The following ARAP2 variants were observed in gnomAD, a reference collection of about 807,000 sequenced individuals.
The protein encoded by ARAP2 is arf-GAP with Rho-GAP domain, ANK repeat and PH domain-containing protein 2.
In ARAP2, 148 loss-of-function variants were observed where a neutral mutation model predicts 194.5. The ratio of observed to expected loss-of-function variants is 0.76; its 90% CI spans 0.67 to 0.87. The LOEUF is 0.87. Among genes scored for constraint, ARAP2 ranks in the 40% least tolerant of loss-of-function variants. ARAP2 has a pLI of 0.00. For missense variants in ARAP2, 2,128 were observed against 1,989.7 expected (o/e 1.07, Z -1.32); for synonymous variants, 695 against 683.5 (o/e 1.02, Z -0.26).
intron 5 of ARAP2, among the ~76,000 whole-genome samples, chr4:36,042,479 T>C (rs1721032156): frequency 6.6e-6 from 1 of 152,210 alleles, no homozygotes; most frequent in South Asian, 2.1e-4. Context: ...CTTAACACAA[T>C]TATGGGACTG....
chr4:36,167,156 A>C, intron 9 of ARAP2, 109 bp from the exon 10 acceptor site: 2 of 687,616 alleles, frequency 2.9e-6, no homozygotes, highest in Non-Finnish European at 2.3e-6. Context: ...TTACAACAAA[A>C]TCAGTCTCAC....
At chr4:36,068,594 T>TGC (rs1726065238) in intron 32 of ARAP2, among the ~76,000 whole-genome samples, 1 of 152,168 alleles carries the variant, frequency 6.6e-6, no homozygotes, top group African/African-American at 2.4e-5. Context: ...CGGTTAGTGA[T>TGC]GCGCGGTAGG....
At chr4:36,229,692 A>C (rs1288688252) in intron 1 of ARAP2, 47 bp from the exon 2 acceptor site, 2 of 418,040 alleles carry the variant, frequency 4.8e-6, no homozygotes, top group East Asian at 7.2e-5. Context: ...TAATTATTAA[A>C]ATCTACTTTT....
At chr4:36,122,336 T>G (rs1210915864) in intron 22 of ARAP2, among the ~76,000 whole-genome samples, 1 of 151,830 alleles carries the variant, frequency 6.6e-6, no homozygotes, top group Non-Finnish European at 1.5e-5. Context: ...ACTGCAGCAC[T>G]GTTCACAAAA....
At chr4:36,103,590 C>T (rs1458693478) in intron 27 of ARAP2, among the ~76,000 whole-genome samples, 1 of 151,700 alleles carries the variant, frequency 6.6e-6, no homozygotes, top group Non-Finnish European at 1.5e-5. Flanking sequence ...AAATTGAGGA[C>T]TATTACCTTT....
intron 24 of ARAP2, 59 bp from the exon 25 acceptor site, chr4:36,117,194 G>T: frequency 8.1e-7 from 1 of 1,228,350 alleles, no homozygotes; most frequent in Non-Finnish European, 1.1e-6. Context: ...ACACATATTT[G>T]AAACTGAAGA....
At chr4:36,230,573 C>T (rs551988623) in intron 1 of ARAP2, among the ~76,000 whole-genome samples, 24 of 152,126 alleles carry the variant, frequency 1.6e-4, no homozygotes, top group Non-Finnish European at 3.2e-4. Flanking sequence ...TTCTCCAAAA[C>T]AAAATAAAAT....
chr4:36,237,629 G>A (rs928144790), intron 1 of ARAP2, among the ~76,000 whole-genome samples: 1 of 152,160 alleles, frequency 6.6e-6, no homozygotes, highest in African/African-American at 2.4e-5. Flanking sequence ...CACAATGATT[G>A]TAAACTTCCT....
intron 30 of ARAP2, among the ~76,000 whole-genome samples, chr4:36,080,859 C>G (rs569537846): frequency 2.3e-4 from 35 of 152,166 alleles, no homozygotes; most frequent in African/African-American, 8.4e-4. Flanking sequence ...ATTAGGGGAG[C>G]TAAGCATATA....
chr4:36,190,107 T>A (rs1229665058), intron 7 of ARAP2, among the ~76,000 whole-genome samples: 1 of 152,218 alleles, frequency 6.6e-6, no homozygotes, highest in Non-Finnish European at 1.5e-5. Flanking sequence ...TTGCATACAC[T>A]GTTTGCTCTG....
Position 36,091,929 on chromosome 4 carries a change from C to T in ARAP2, c.4377G>A (p.Arg1459=), listed in dbSNP as rs180845065. The change falls in exon 28 of 33, where the codon CGG becomes CGA. Residue 1459 remains arginine, a synonymous_variant. Coordinates refer to ENST00000303965, the MANE Select transcript of ARAP2 (RefSeq NM_015230.4). ...KILSGNKFQD[R]YFVLRDGFLF... is the part of the protein sequence containing the mutation. ...GAAACCCATCTCGTAAAACAAAATA[C>T]CGGTCTTGAAACTTATTTCCAGATA... 1.9e-5 allele frequency: 31 copies of T among 1,607,812 alleles called. No individual in the cohort carries two copies. In the Admixed American group the frequency reaches 4.7e-4, roughly 24 times the overall value.
intron 2 of ARAP2, among the ~76,000 whole-genome samples, chr4:36,225,548 A>T (rs1260695746): frequency 6.6e-6 from 1 of 152,132 alleles, no homozygotes; most frequent in African/African-American, 2.4e-5. Flanking sequence ...ATAGTTCAAA[A>T]GATAACCTGA....
chr4:36,135,294 G>A (rs1560504010), intron 19 of ARAP2, among the ~76,000 whole-genome samples: 1 of 151,676 alleles, frequency 6.6e-6, no homozygotes, highest in Non-Finnish European at 1.5e-5. Flanking sequence ...GATAATCACT[G>A]TACCTAATAT....
intron 27 of ARAP2, among the ~76,000 whole-genome samples, chr4:36,106,889 G>C (rs1321086881): frequency 6.6e-6 from 1 of 151,814 alleles, no homozygotes; most frequent in Non-Finnish European, 1.5e-5. Flanking sequence ...TCAATCCTTA[G>C]CTTATTGAGT....
chr4:36,059,155 A>ATTTAAATATAT (rs1724000607), intron 1 of ARAP2, among the ~76,000 whole-genome samples: 1 of 152,192 alleles, frequency 6.6e-6, no homozygotes, highest in Admixed American at 6.5e-5. Flanking sequence ...TTGTATTTAT[A>ATTTAAATATAT]TTTAAATATA....
chr4:36,070,779 C>T (rs183676476), intron 32 of ARAP2, among the ~76,000 whole-genome samples: 266 of 152,284 alleles, frequency 1.7e-3, no homozygotes, highest in African/African-American at 6.1e-3. Flanking sequence ...TTGTAAAATA[C>T]ATAATCATAT....
chr4:36,106,653 A>G (rs1718488790), intron 27 of ARAP2, among the ~76,000 whole-genome samples: 1 of 151,888 alleles, frequency 6.6e-6, no homozygotes, highest in Non-Finnish European at 1.5e-5. Context: ...AGGAACACCA[A>G]TCAGTTCTTC....
chr4:36,121,531 G>T (rs1264014549), intron 22 of ARAP2, among the ~76,000 whole-genome samples: 1 of 151,766 alleles, frequency 6.6e-6, no homozygotes, highest in Admixed American at 6.6e-5. Context: ...CTGTTAAATA[G>T]ATTAGTAAAA....
rs1205530875 is a variant in ARAP2 at position 36,067,496 on chromosome 4, T to A, written c.*411A>T. 1 of 153,600 alleles carries A rather than the reference T, an allele frequency of 6.5e-6. No homozygotes were observed. The highest frequency in any genetic ancestry group is 1.5e-5 in the Non-Finnish European group (1 of 68,796). The allele number at this position is 153,600 out of a possible 1,614,324, so 9.5% of individuals were successfully genotyped here. A position where few individuals can be genotyped will look rare whatever the true frequency, so the allele number is the denominator to read the frequency against. ...GTAAACCTAAAAACATATGGTAATT[T>A]AATATACAAGGTTTCTCAAAGTGCA... On this transcript the variant is annotated 3_prime_UTR_variant, in exon 33 of 33. Coordinates refer to ENST00000303965, the MANE Select transcript of ARAP2 (RefSeq NM_015230.4).
Sources: gnomAD v4.1 joint callset for allele counts (sites outside exome capture counted in the v4.1 genomes callset) on GRCh38, gnomAD v4.1.1 for gene constraint, MANE v1.5 for transcripts, NCBI Gene and HGNC (gene_info 2026-07-23, HGNC 2026-07-21) for gene names.